The following ABTB3 variants were observed in gnomAD, a reference collection of about 807,000 sequenced individuals.
ABTB3 encodes ankyrin repeat and BTB domain containing 3.
At chr12:107,657,795 A>G in the ABTB3 span, 8 of 1,487,570 alleles carry the variant, frequency 5.4e-6, no homozygotes, top group Middle Eastern at 2.4e-4. Flanking sequence ...ACACAGACAA[A>G]TTCCACCTGG....
At chr12:107,618,781 T>C in the ABTB3 span, among the ~76,000 whole-genome samples, 1 of 152,186 alleles carries the variant, frequency 6.6e-6, no homozygotes, top group Non-Finnish European at 1.5e-5. Flanking sequence ...TTAACAATCA[T>C]CCCAGGTGGT....
the ABTB3 span, among the ~76,000 whole-genome samples, chr12:107,619,667 G>T: frequency 2.0e-4 from 31 of 152,212 alleles, no homozygotes; most frequent in African/African-American, 7.0e-4. Flanking sequence ...AGTAGCGTGC[G>T]TAATAATTCC....
the ABTB3 span, among the ~76,000 whole-genome samples, chr12:107,530,197 T>A: frequency 6.6e-6 from 1 of 152,090 alleles, no homozygotes; most frequent in Non-Finnish European, 1.5e-5. Context: ...AGGCAAAGGG[T>A]ACCTGACCGT....
At chr12:107,559,647 G>A in the ABTB3 span, among the ~76,000 whole-genome samples, 6 of 152,174 alleles carry the variant, frequency 3.9e-5, no homozygotes, top group East Asian at 3.8e-4. Flanking sequence ...AAGTAGCCCC[G>A]GCAGTAAATT....
the ABTB3 span, among the ~76,000 whole-genome samples, chr12:107,469,723 T>A: frequency 3.3e-5 from 5 of 152,210 alleles, no homozygotes; most frequent in Non-Finnish European, 7.3e-5. Flanking sequence ...ACACGAGCAC[T>A]TATTAGGTAA....
the ABTB3 span, among the ~76,000 whole-genome samples, chr12:107,501,554 G>A: frequency 6.6e-6 from 1 of 152,024 alleles, no homozygotes; most frequent in Non-Finnish European, 1.5e-5. Context: ...ACAAAAATTA[G>A]CCCAGTGTGG....
the ABTB3 span, chr12:107,618,442 T>G: frequency 2.1e-6 from 3 of 1,397,382 alleles, no homozygotes; most frequent in African/African-American, 1.4e-5. Context: ...CACACACACA[T>G]GAACACGCAC....
At chr12:107,594,371 A>G in the ABTB3 span, among the ~76,000 whole-genome samples, 48,483 of 152,014 alleles carry the variant, frequency 0.32, 8,921 homozygotes, top group African/African-American at 0.51. Context: ...AGGAGGACTT[A>G]GAATCACTTG....
At chr12:107,420,984 C>G in the ABTB3 span, among the ~76,000 whole-genome samples, 1 of 152,202 alleles carries the variant, frequency 6.6e-6, no homozygotes, top group African/African-American at 2.4e-5. Context: ...ATTTTCATAT[C>G]TCTTCTACCA....
the ABTB3 span, among the ~76,000 whole-genome samples, chr12:107,333,946 A>G: frequency 6.6e-6 from 1 of 152,154 alleles, no homozygotes; most frequent in Non-Finnish European, 1.5e-5. Context: ...AAGATGAAGG[A>G]GGTGAGGGAA....
At chr12:107,386,890 A>AGTGTGT in the ABTB3 span, among the ~76,000 whole-genome samples, 2,077 of 143,330 alleles carry the variant, frequency 0.014, 50 homozygotes, top group African/African-American at 0.045. Context: ...GGAAATGGAA[A>AGTGTGT]GTGTGTGTGT....
chr12:107,620,986 G>A, the ABTB3 span, among the ~76,000 whole-genome samples: 1 of 152,084 alleles, frequency 6.6e-6, no homozygotes. Flanking sequence ...GGGGAAATTG[G>A]CCTCTGAACC....
the ABTB3 span, among the ~76,000 whole-genome samples, chr12:107,349,952 A>G: frequency 1.3e-5 from 2 of 152,200 alleles, no homozygotes; most frequent in Non-Finnish European, 2.9e-5. Flanking sequence ...ATGCTTGCTG[A>G]TTTCTAGCAG....
chr12:107,457,922 C>A, the ABTB3 span, among the ~76,000 whole-genome samples: 4 of 152,226 alleles, frequency 2.6e-5, no homozygotes, highest in African/African-American at 4.8e-5. Flanking sequence ...AGCCGTGTGA[C>A]CTCGGGTAGC....
the ABTB3 span, among the ~76,000 whole-genome samples, chr12:107,599,173 C>T: frequency 6.6e-6 from 1 of 152,198 alleles, no homozygotes; most frequent in African/African-American, 2.4e-5. Context: ...CCTAGGTCCA[C>T]GTCATCTAGA....
chr12:107,562,652 T>C, the ABTB3 span, among the ~76,000 whole-genome samples: 1 of 152,196 alleles, frequency 6.6e-6, no homozygotes, highest in South Asian at 2.1e-4. Flanking sequence ...TACATTTTTG[T>C]CAGATTGAAT....
At chr12:107,522,605 A>G in the ABTB3 span, among the ~76,000 whole-genome samples, 10 of 151,786 alleles carry the variant, frequency 6.6e-5, no homozygotes, top group African/African-American at 2.4e-4. Flanking sequence ...TATAGAATAT[A>G]GTAGAAACAT....
the ABTB3 span, among the ~76,000 whole-genome samples, chr12:107,505,733 T>C: frequency 6.6e-6 from 1 of 152,188 alleles, no homozygotes; most frequent in Non-Finnish European, 1.5e-5. Context: ...CCCCTCTATG[T>C]GTCCATGTGT....
chr12:107,592,179 T>A, the ABTB3 span, among the ~76,000 whole-genome samples: 1 of 152,184 alleles, frequency 6.6e-6, no homozygotes, highest in African/African-American at 2.4e-5. Flanking sequence ...CCAAGAAATA[T>A]GTGAACAGTC....
Sources: allele counts gnomAD v4.1 joint callset (sites outside exome capture counted in the v4.1 genomes callset), GRCh38; gene constraint gnomAD v4.1.1; transcripts MANE v1.5; gene names NCBI Gene and HGNC (gene_info 2026-07-23, HGNC 2026-07-21).